METTL24: variants seen among roughly 807,000 people sequenced by gnomAD.
METTL24 encodes probable methyltransferase-like protein 24.
In METTL24, 29 loss-of-function variants were observed where a neutral mutation model predicts 32.7. The observed-to-expected ratio is 0.89, with a 90% CI of 0.66 to 1.21. The LOEUF is 1.21. Among genes scored for constraint, METTL24 ranks in the 50% most tolerant of loss-of-function variants. The pLI is 0.00. For synonymous variants in METTL24, 163 were observed against 179.5 expected, an observed-to-expected ratio of 0.91 and a Z score of 0.73; for missense variants, 439 against 468.1, an observed-to-expected ratio of 0.94 and a Z score of 0.57.
intron 1 of METTL24, among the ~76,000 whole-genome samples, chr6:110,323,139 T>C (rs1033703478): frequency 1.2e-4 from 19 of 152,206 alleles, no homozygotes; most frequent in African/African-American, 4.3e-4. Flanking sequence ...TGACTCTGCA[T>C]GTATGATCAA....
chr6:110,292,544 C>T (rs1411891797), intron 4 of METTL24, among the ~76,000 whole-genome samples: 2 of 151,254 alleles, frequency 1.3e-5, no homozygotes, highest in Non-Finnish European at 2.9e-5. Context: ...TTTGTTGAAG[C>T]CCTTCTATAC....
At chr6:110,321,999 G>T (rs1359983736) in intron 2 of METTL24, among the ~76,000 whole-genome samples, 2 of 152,148 alleles carry the variant, frequency 1.3e-5, no homozygotes, top group South Asian at 2.1e-4. Context: ...CAGGCAGTCT[G>T]AGCTGCTAAT....
At chr6:110,253,399 G>T (rs1778320265) in intron 4 of METTL24, among the ~76,000 whole-genome samples, 1 of 152,138 alleles carries the variant, frequency 6.6e-6, no homozygotes, top group African/African-American at 2.4e-5. Flanking sequence ...AAAAAGCTAA[G>T]CTTGGGGGCT....
At chr6:110,302,935 C>T (rs905722081) in intron 3 of METTL24, among the ~76,000 whole-genome samples, 2 of 152,046 alleles carry the variant, frequency 1.3e-5, no homozygotes, top group Non-Finnish European at 2.9e-5. Context: ...AGAAGGTGGG[C>T]AATTTCTGCA....
intron 4 of METTL24, among the ~76,000 whole-genome samples, chr6:110,255,577 G>A (rs915111642): frequency 1.3e-5 from 2 of 152,106 alleles, no homozygotes; most frequent in African/African-American, 2.4e-5. Context: ...GACAGCTCCC[G>A]GCAGCTGCTT....
chr6:110,251,647 T>G (rs1034341435), intron 4 of METTL24, among the ~76,000 whole-genome samples: 1 of 152,170 alleles, frequency 6.6e-6, no homozygotes, highest in Non-Finnish European at 1.5e-5. Flanking sequence ...AAGTCCAAGT[T>G]CAAGGTTGGC....
At chr6:110,261,743 G>T (rs1477817141) in intron 4 of METTL24, among the ~76,000 whole-genome samples, 1 of 152,074 alleles carries the variant, frequency 6.6e-6, no homozygotes, top group Non-Finnish European at 1.5e-5. Flanking sequence ...AAATGTCAAA[G>T]AACAGAAATT....
intron 4 of METTL24, among the ~76,000 whole-genome samples, chr6:110,257,583 G>C (rs140250786): frequency 6.6e-6 from 1 of 152,050 alleles, no homozygotes; most frequent in African/African-American, 2.4e-5. Flanking sequence ...GAGATGGCTC[G>C]TAAAAACACA....
intron 1 of METTL24, among the ~76,000 whole-genome samples, chr6:110,348,156 C>A (rs1055967810): frequency 2.0e-5 from 3 of 152,210 alleles, no homozygotes; most frequent in African/African-American, 7.2e-5. Context: ...TGAACACCTG[C>A]AAGGTGCTTT....
At chr6:110,318,504 G>T (rs1562235890) in intron 2 of METTL24, among the ~76,000 whole-genome samples, 1 of 151,606 alleles carries the variant, frequency 6.6e-6, no homozygotes, top group South Asian at 2.1e-4. Flanking sequence ...ACATACAAAA[G>T]TTAGCCGGAC....
chr6:110,330,909 C>T (rs777786743), intron 1 of METTL24, among the ~76,000 whole-genome samples: 41 of 152,270 alleles, frequency 2.7e-4, no homozygotes, highest in Non-Finnish European at 5.3e-4. Flanking sequence ...AGGAAAATCC[C>T]AACTTATGTG....
At chr6:110,250,998 C>T (rs913107913) in intron 4 of METTL24, among the ~76,000 whole-genome samples, 5 of 152,240 alleles carry the variant, frequency 3.3e-5, no homozygotes, top group South Asian at 2.1e-4. Flanking sequence ...GTAGATTCTA[C>T]GACATGCCTG....
intron 3 of METTL24, among the ~76,000 whole-genome samples, chr6:110,306,867 T>A (rs1043565082): frequency 6.6e-6 from 1 of 152,142 alleles, no homozygotes; most frequent in African/African-American, 2.4e-5. Context: ...ATATGCCACC[T>A]CGTTGCTGAT....
rs114057448 is a variant in METTL24 at position 110,319,175 on chromosome 6, C to T, written c.417+3599G>A. On this transcript the variant is annotated intron_variant, in intron 2 of 4. Coordinates refer to ENST00000338882, the MANE Select transcript of METTL24 (RefSeq NM_001123364.3). ...TTCAATGATCTGCGTGTTTACAGAACGATCAACTCTATGCTCTATGTTTAT... is the reference window on the plus strand; with the variant it reads ...TTCAATGATCTGCGTGTTTACAGAATGATCAACTCTATGCTCTATGTTTAT... Among the ~76,000 whole-genome samples the T allele has an allele frequency of 7.9e-3, 1,202 of 152,154 alleles. 14 individuals carry two copies. Among genetic ancestry groups the T allele is most frequent in the African/African-American group, 0.027 (1,107 of 41,488 alleles).
intron 4 of METTL24, among the ~76,000 whole-genome samples, chr6:110,294,915 C>T (rs1771382526): frequency 6.6e-6 from 1 of 150,800 alleles, no homozygotes; most frequent in Non-Finnish European, 1.5e-5. Context: ...CATTACAATA[C>T]AGGGCAGTAT....
intron 4 of METTL24, among the ~76,000 whole-genome samples, chr6:110,250,431 G>A (rs1448956354): frequency 6.6e-6 from 1 of 151,886 alleles, no homozygotes; most frequent in East Asian, 1.9e-4. Flanking sequence ...CCTTCCTCCA[G>A]TATGACCTCA....
At chr6:110,337,644 TA>T (rs1385227671) in intron 1 of METTL24, among the ~76,000 whole-genome samples, 1 of 152,162 alleles carries the variant, frequency 6.6e-6, no homozygotes, top group African/African-American at 2.4e-5. Context: ...AGTGCCCAGA[TA>T]GACCATAAGG....
chr6:110,302,608 CATATGTGTATATAT>C (rs1562231044), intron 3 of METTL24, among the ~76,000 whole-genome samples: 3 of 122,624 alleles, frequency 2.4e-5, no homozygotes, highest in African/African-American at 1.3e-4. Flanking sequence ...TATACACACA[CATATGTGTATATAT>C]ATACACATAT....
Position 110,286,697 on chromosome 6 carries a change from G to A in METTL24, c.786+12225C>T, listed in dbSNP as rs868522751. On this transcript the variant is annotated intron_variant, in intron 4 of 4. Coordinates refer to ENST00000338882, the MANE Select transcript of METTL24 (RefSeq NM_001123364.3). ...TAATACTGAATGTCAACTCAATGTC[G>A]AATTGATCCTGGGTGTGTCTGTGAG... 3.9e-5 allele frequency among the ~76,000 whole-genome samples: 6 copies of A among 152,276 alleles called. 1 individual carries two copies. In the East Asian group the frequency reaches 5.8e-4, roughly 15 times the overall value.
Sources: gnomAD v4.1 joint callset for allele counts (sites outside exome capture counted in the v4.1 genomes callset) on GRCh38, gnomAD v4.1.1 for gene constraint, MANE v1.5 for transcripts, NCBI Gene and HGNC (gene_info 2026-07-23, HGNC 2026-07-21) for gene names.